The following GLG1 variants were observed in gnomAD, a reference collection of about 807,000 sequenced individuals.
GLG1 encodes the protein golgi glycoprotein 1, also known as Golgi apparatus protein 1.
In GLG1, 38 loss-of-function variants were observed where a neutral mutation model predicts 160.5. The ratio of observed to expected loss-of-function variants is 0.24; its 90% CI spans 0.18 to 0.31. The LOEUF is 0.31. GLG1 is among the 10% of genes least tolerant of loss of function. GLG1 has a pLI of 1.00. For missense variants in GLG1, 1,373 were observed against 1,505.2 expected (o/e 0.91, Z 1.45); for synonymous variants, 644 against 543.4 (o/e 1.19, Z -2.57).
intron 19 of GLG1, 59 bp from the exon 20 acceptor site, chr16:74,463,538 C>T (rs949368157): frequency 6.7e-5 from 104 of 1,562,596 alleles, no homozygotes; most frequent in Admixed American, 1.3e-4. Context: ...ACTCCATCTG[C>T]GACCACTTTT....
At chr16:74,462,348 G>A (rs1207181877) in intron 21 of GLG1, 140 bp downstream of exon 21, 5 of 841,498 alleles carry the variant, frequency 5.9e-6, no homozygotes, top group Non-Finnish European at 9.7e-6. Context: ...CTTTTGATCT[G>A]GCCCCTTAGC....
intron 1 of GLG1, among the ~76,000 whole-genome samples, chr16:74,540,081 T>A (rs56106012): frequency 0.15 from 59 of 398 alleles, 19 homozygotes; most frequent in East Asian, 0.6. Context: ...TTATATATAT[T>A]TTATATATAT....
At chr16:74,553,234 A>AG (rs2018252916) in intron 1 of GLG1, among the ~76,000 whole-genome samples, 2 of 151,412 alleles carry the variant, frequency 1.3e-5, no homozygotes, top group Admixed American at 6.6e-5. Context: ...AAAAAAAAAA[A>AG]AATTTTTTTT....
chr16:74,580,325 A>C (rs1174238037), intron 1 of GLG1, among the ~76,000 whole-genome samples: 3 of 151,920 alleles, frequency 2.0e-5, no homozygotes, highest in South Asian at 2.1e-4. Context: ...TCTCTACAAA[A>C]AAAACTAAAA....
chr16:74,590,602 C>CA (rs1958153903), intron 1 of GLG1, among the ~76,000 whole-genome samples: 2 of 133,168 alleles, frequency 1.5e-5, no homozygotes, highest in African/African-American at 2.9e-5. Flanking sequence ...GCCTGGGCAA[C>CA]TGAGTGAGAC....
chr16:74,555,406 G>A (rs1397415290), intron 1 of GLG1, among the ~76,000 whole-genome samples: 2 of 152,158 alleles, frequency 1.3e-5, no homozygotes, highest in African/African-American at 4.8e-5. Flanking sequence ...GGGATTCCAG[G>A]CTGGGTGCGG....
chr16:74,599,640 A>G (rs7204857), intron 1 of GLG1, among the ~76,000 whole-genome samples: 107,694 of 151,680 alleles, frequency 0.71, 38,872 homozygotes, highest in African/African-American at 0.83. Context: ...CGAGGTGGGC[A>G]GATCACGAGG....
chr16:74,552,034 C>T (rs1359931467), intron 1 of GLG1, among the ~76,000 whole-genome samples: 1 of 151,684 alleles, frequency 6.6e-6, no homozygotes, highest in Non-Finnish European at 1.5e-5. Context: ...CCCTTTAAGC[C>T]CCACTGCTAT....
chr16:74,466,100 C>T (rs2014990336), intron 18 of GLG1, among the ~76,000 whole-genome samples: 3 of 152,186 alleles, frequency 2.0e-5, no homozygotes, highest in Admixed American at 6.5e-5. Context: ...AGAGCTGCTC[C>T]TTGTCCACAT....
Position 74,480,089 on chromosome 16 carries a change from G to T in GLG1, c.1827+152C>A, listed in dbSNP as rs1456232038. 5 of 654,532 alleles carry T rather than the reference G, an allele frequency of 7.6e-6. No homozygotes were observed. In the East Asian group the frequency reaches 1.1e-4, roughly 15 times the overall value. 40.5% of individuals were successfully genotyped at this position (654,532 alleles called of 1,614,324 possible). A position where few individuals can be genotyped will look rare whatever the true frequency, so the allele number is the denominator to read the frequency against. On this transcript the variant is annotated intron_variant, in intron 11 of 25. Coordinates refer to ENST00000422840, the MANE Select transcript of GLG1 (RefSeq NM_001145667.2). ...TAGGGCAACTCTAAGTGCACTCACG[G>T]AAGGAAGAAGTTTCTAGAAGTGCAG...
chr16:74,489,729 G>C (rs1389039278), intron 8 of GLG1, among the ~76,000 whole-genome samples: 1 of 152,150 alleles, frequency 6.6e-6, no homozygotes, highest in Non-Finnish European at 1.5e-5. Flanking sequence ...AGTTACATTT[G>C]TCTGTTTTCC....
At chr16:74,457,769 C>T (rs911473103) in intron 24 of GLG1, 105 bp downstream of exon 24, 1 of 1,058,630 alleles carries the variant, frequency 9.4e-7, no homozygotes, top group Non-Finnish European at 1.4e-6. Context: ...TGGGCTACAA[C>T]TACAGACCAT....
At chr16:74,491,830 G>A (rs112797009) in intron 7 of GLG1, among the ~76,000 whole-genome samples, 19,120 of 151,166 alleles carry the variant, frequency 0.13, 1,660 homozygotes, top group Admixed American at 0.24. Context: ...CAGTAGAGAC[G>A]GGGTTTCACC....
At chr16:74,540,580 T>G (rs2017834156) in intron 1 of GLG1, among the ~76,000 whole-genome samples, 1 of 151,660 alleles carries the variant, frequency 6.6e-6, no homozygotes, top group Non-Finnish European at 1.5e-5. Context: ...CAAGAGTTTT[T>G]AAGTCTGCTG....
chr16:74,539,397 G>A (rs1402592255), intron 1 of GLG1, among the ~76,000 whole-genome samples: 1 of 151,894 alleles, frequency 6.6e-6, no homozygotes, highest in Non-Finnish European at 1.5e-5. Flanking sequence ...TTCTTAAAAG[G>A]TCTCACATAA....
intron 2 of GLG1, among the ~76,000 whole-genome samples, chr16:74,518,556 G>A (rs1451310675): frequency 6.6e-6 from 1 of 152,088 alleles, no homozygotes; most frequent in East Asian, 1.9e-4. Context: ...AACTCAAGAT[G>A]GATCAAAGGC....
At chr16:74,605,417 G>A (rs375929960) in intron 1 of GLG1, among the ~76,000 whole-genome samples, 6 of 152,218 alleles carry the variant, frequency 3.9e-5, no homozygotes, top group African/African-American at 1.4e-4. Context: ...TTGATGAAAC[G>A]ACATCTATTA....
intron 11 of GLG1, among the ~76,000 whole-genome samples, chr16:74,477,754 A>T (rs1391930451): frequency 1.3e-5 from 2 of 151,948 alleles, no homozygotes; most frequent in East Asian, 3.9e-4. Flanking sequence ...CGGGCGGATC[A>T]CCTGAGGTCG....
At chr16:74,603,117 C>T (rs1442755819) in intron 1 of GLG1, among the ~76,000 whole-genome samples, 1 of 150,972 alleles carries the variant, frequency 6.6e-6, no homozygotes, top group Admixed American at 6.6e-5. Flanking sequence ...ACAACAGCAG[C>T]AGCAGCAGCA....
Sources: gnomAD v4.1 joint callset for allele counts (sites outside exome capture counted in the v4.1 genomes callset) on GRCh38, gnomAD v4.1.1 for gene constraint, MANE v1.5 for transcripts, NCBI Gene and HGNC (gene_info 2026-07-23, HGNC 2026-07-21) for gene names.